KDM5B: variants seen among roughly 807,000 people sequenced by gnomAD.
The protein encoded by KDM5B is lysine-specific demethylase 5B.
A neutral mutation model predicts 193.4 loss-of-function variants in KDM5B; 144 were observed. That is an observed-to-expected ratio of 0.74 (90% CI 0.65 to 0.86). KDM5B has a LOEUF of 0.86. Among genes scored for constraint, KDM5B ranks in the 40% least tolerant of loss-of-function variants. The pLI, the probability that KDM5B is intolerant of heterozygous loss-of-function variation, is 0.00. For missense variants in KDM5B, 1,833 were observed against 1,886.9 expected (o/e 0.97, Z 0.53); for synonymous variants, 668 against 682.6 (o/e 0.98, Z 0.33).
chr1:202,733,876 A>G lies in KDM5B; in HGVS notation c.3434T>C (p.Leu1145Pro). 1.9e-6 allele frequency: 3 copies of G among 1,607,802 alleles called. No homozygotes were observed. The highest frequency in any genetic ancestry group is 1.7e-6 in the Non-Finnish European group (2 of 1,176,914). ...SKETASAMAT[L>P]GEARLREMEA... ...CATTTCCCTTAGGCGAGCTTCCCCA[A>G]GAGTTGCCATCTGAAAAAGAGTTAA... The change falls in exon 23 of 27, where the codon CTT becomes CCT. Residue 1145 changes from leucine to proline, a missense_variant. Physicochemically the swap from Leu to Pro is moderately conservative, Grantham distance 98 (BLOSUM62 -3). This residue lies in a region of KDM5B where 1,379 missense variants were observed against 1,349.6 expected (regional missense o/e 1.02). Transcript: ENST00000367265.
intron 7 of KDM5B, among the ~76,000 whole-genome samples, chr1:202,760,955 T>G (rs558835513): frequency 6.6e-6 from 1 of 151,700 alleles, no homozygotes; most frequent in African/African-American, 2.4e-5. Context: ...TTGAGCCTGG[T>G]AGGTCAAAGT....
At position 202,752,901 on chromosome 1, in the gene KDM5B, A is replaced by C. The variant is rs1006188276; in HGVS notation, c.1701+4T>G. 1 of 1,612,366 alleles carries C rather than the reference A, an allele frequency of 6.2e-7. No individual in the cohort carries two copies. The highest frequency in any genetic ancestry group is 1.3e-5 in the African/African-American group (1 of 74,866). On this transcript the variant is annotated splice_donor_region_variant and intron_variant, in intron 12 of 26. Coordinates refer to ENST00000367265, the MANE Select transcript of KDM5B (RefSeq NM_006618.5). ...AGTGGCAGGAGGATTAACCCAGAAC[A>C]TACAGGCACTTCATGAGTCATCAGG...
intron 1 of KDM5B, among the ~76,000 whole-genome samples, chr1:202,799,376 G>A (rs555888668): frequency 1.3e-5 from 2 of 152,198 alleles, no homozygotes; most frequent in Admixed American, 6.5e-5. Context: ...ATTTTAACCC[G>A]GGCGCGGTGG....
At chr1:202,729,336 C>G in intron 26 of KDM5B, 163 bp from the exon 27 acceptor site, 1 of 717,482 alleles carries the variant, frequency 1.4e-6, no homozygotes, top group South Asian at 1.8e-5. Context: ...AGCTGGCCCC[C>G]TAGCCAAAGC....
rs34591577 is a variant in KDM5B at position 202,729,899 on chromosome 1, CT to C, written c.4304del (p.Lys1435ArgfsTer6). On this transcript the variant is annotated frameshift_variant, in exon 26 of 27. Transcript: ENST00000367265. LOFTEE classifies it high-confidence loss of function. ...ERVKKMRTPK[K>X]KKIKLSHPKD... is the part of the protein sequence containing the mutation. ...TGGGGTGGCTCAGTTTGATTTTCTT[CT>C]TTTTGGGGGTCCGCATTTTCTTAAC... The C allele has an allele frequency of 6.2e-7, 1 of 1,614,172 alleles. No homozygotes were observed. Among genetic ancestry groups the C allele is most frequent in the East Asian group, 2.2e-5 (1 of 44,882 alleles).
chr1:202,804,403 A>T (rs572128984), intron 1 of KDM5B, among the ~76,000 whole-genome samples: 1 of 152,152 alleles, frequency 6.6e-6, no homozygotes, highest in Non-Finnish European at 1.5e-5. Context: ...AAACAGAGAG[A>T]GGGTTAGGCC....
intron 21 of KDM5B, 129 bp from the exon 22 acceptor site, chr1:202,735,716 A>G (rs1251590117): frequency 1.3e-6 from 1 of 790,858 alleles, no homozygotes; most frequent in East Asian, 2.6e-5. Context: ...TTTTCTTTGG[A>G]ACATGCAACC....
At chr1:202,808,034 C>T in intron 1 of KDM5B, 68 bp downstream of exon 1, 1 of 1,531,084 alleles carries the variant, frequency 6.5e-7, no homozygotes, top group Non-Finnish European at 8.8e-7. Context: ...CTCGGGCCTC[C>T]CCGGACCCGC....
intron 4 of KDM5B, among the ~76,000 whole-genome samples, chr1:202,769,171 G>T (rs1170401907): frequency 1.3e-5 from 2 of 150,566 alleles, no homozygotes; most frequent in African/African-American, 2.4e-5. Context: ...CAAGTAGCTG[G>T]GACTACAGGC....
rs765004569 is a variant in KDM5B, at chr1:202,729,823, G to A, written c.4381C>T (p.Arg1461Cys). The A allele has an allele frequency of 5.6e-6, 9 of 1,614,090 alleles. No homozygotes were observed. Among genetic ancestry groups the A allele is most frequent in the Admixed American group, 1.7e-5 (1 of 60,020 alleles). The change falls in exon 26 of 27, where the codon CGT becomes TGT. Residue 1461 changes from arginine (R) to cysteine (C), a missense_variant. Physicochemically the swap from Arg to Cys is radical, Grantham distance 180 (BLOSUM62 -3). Transcript: ENST00000367265. ...GGCAGGGAATGAGTTTCAGCAGAAC[G>A]AACTAATTCATAGCTACGCTCTCTC... ...LERERSYELV[R>C]SAETHSLPSD...
chr1:202,786,085 G>A (rs1279344752), intron 1 of KDM5B, among the ~76,000 whole-genome samples: 1 of 149,946 alleles, frequency 6.7e-6, no homozygotes, highest in Non-Finnish European at 1.5e-5. Flanking sequence ...TTATAGCCTC[G>A]ATCTCCTGGG....
chr1:202,729,257 C>T lies in KDM5B; in HGVS notation c.4498-84G>A, dbSNP rs146114796. 1,234 of 1,504,740 alleles carry T rather than the reference C, an allele frequency of 8.2e-4. 19 individuals carry two copies. The East Asian group carries it at 0.027, about 32-fold the overall frequency. The allele number at this position is 1,504,740 out of a possible 1,614,324, so 93.2% of individuals were successfully genotyped here. A position where few individuals can be genotyped will look rare whatever the true frequency, so the allele number is the denominator to read the frequency against. On this transcript the variant is annotated intron_variant, in intron 26 of 26. Coordinates refer to ENST00000367265, the MANE Select transcript of KDM5B (RefSeq NM_006618.5). ...GCAGGCCAGCCTCAAGAAATTCAGG[C>T]CGTTTGCCAATAACAGCCACTGTCC...
chr1:202,744,726 G>C (rs1228046807), intron 16 of KDM5B, among the ~76,000 whole-genome samples: 2 of 152,196 alleles, frequency 1.3e-5, no homozygotes, highest in Non-Finnish European at 2.9e-5. Flanking sequence ...AACGATTGTG[G>C]AAGACAGTGT....
At chr1:202,744,605 C>T (rs943916064) in intron 16 of KDM5B, among the ~76,000 whole-genome samples, 8 of 152,074 alleles carry the variant, frequency 5.3e-5, no homozygotes, top group African/African-American at 1.9e-4. Context: ...TGAGATATCA[C>T]CTCATACCAG....
intron 7 of KDM5B, among the ~76,000 whole-genome samples, chr1:202,761,916 T>C (rs1054948375): frequency 3.3e-5 from 5 of 151,750 alleles, no homozygotes; most frequent in Admixed American, 6.6e-5. Context: ...CTATTTATTG[T>C]AGCAAATAAA....
At chr1:202,788,536 T>G (rs1025928783) in intron 1 of KDM5B, among the ~76,000 whole-genome samples, 7 of 151,670 alleles carry the variant, frequency 4.6e-5, no homozygotes, top group African/African-American at 1.5e-4. Flanking sequence ...TTAATAAAAC[T>G]TGGCAATAAT....
chr1:202,765,084 G>T (rs867607023), intron 5 of KDM5B, among the ~76,000 whole-genome samples: 1 of 152,082 alleles, frequency 6.6e-6, no homozygotes, highest in Non-Finnish European at 1.5e-5. Context: ...TTCAATCATC[G>T]CAATAAGCCA....
intron 1 of KDM5B, among the ~76,000 whole-genome samples, chr1:202,788,295 C>A (rs1476174101): frequency 2.6e-5 from 4 of 152,042 alleles, no homozygotes; most frequent in African/African-American, 9.7e-5. Context: ...AAATAAGTAC[C>A]AAGGAATGAG....
In KDM5B at chr1:202,726,623, A is replaced by G. The variant is rs973428620; in HGVS notation, c.*2413T>C. 5 of 152,140 alleles carry G rather than the reference A, an allele frequency of 3.3e-5. No homozygotes were observed. The highest frequency in any genetic ancestry group is 6.5e-5 in the Admixed American group (1 of 15,276). The allele number at this position is 152,140 out of a possible 1,614,324, so 9.4% of individuals were successfully genotyped here. On this transcript the variant is annotated 3_prime_UTR_variant, in exon 27 of 27. Coordinates refer to ENST00000367265, the MANE Select transcript of KDM5B (RefSeq NM_006618.5). ...GCAGGACTACTGAGATGGAAACTGA[A>G]GTGTCAGTTTCCATGTGCATTTTAT...
Sources: gnomAD v4.1 joint callset for allele counts (sites outside exome capture counted in the v4.1 genomes callset) on GRCh38, gnomAD v4.1.1 for gene constraint, gnomAD v4.1.1 regional missense constraint, MANE v1.5 for transcripts, NCBI Gene and HGNC (gene_info 2026-07-23, HGNC 2026-07-21) for gene names.